FMN2: variants seen among roughly 807,000 people sequenced by gnomAD.
FMN2 encodes the protein formin 2.
Under a neutral mutation model 142.3 loss-of-function variants are expected in FMN2, and 51 were observed. That is an observed-to-expected ratio of 0.36 (90% confidence interval 0.29 to 0.45). FMN2 has a LOEUF of 0.45. FMN2 is among the 20% of genes least tolerant of loss of function. The pLI is 1.00. For missense variants in FMN2, 1,936 were observed against 2,122.8 expected (o/e 0.91, Z 1.73); for synonymous variants, 882 against 869.8 (o/e 1.01, Z -0.25).
At chr1:240,368,556 T>G (rs1172423366) in intron 14 of FMN2, among the ~76,000 whole-genome samples, 1 of 139,986 alleles carries the variant, frequency 7.1e-6, no homozygotes, top group East Asian at 2.2e-4. Flanking sequence ...TGTTAAGCCC[T>G]CTTATTAATT....
At chr1:240,346,141 T>A (rs1017143481) in intron 13 of FMN2, among the ~76,000 whole-genome samples, 1 of 152,112 alleles carries the variant, frequency 6.6e-6, no homozygotes, top group African/African-American at 2.4e-5. Context: ...TCTCCCCTTA[T>A]CTGTGGGGAG....
intron 8 of FMN2, among the ~76,000 whole-genome samples, chr1:240,325,112 T>G (rs1035045961): frequency 6.6e-6 from 1 of 151,898 alleles, no homozygotes; most frequent in Admixed American, 6.6e-5. Flanking sequence ...ATTCATACTG[T>G]ATATCTAGGC....
chr1:240,144,896 C>T, intron 2 of FMN2: 1 of 1,414,096 alleles, frequency 7.1e-7, no homozygotes, highest in Middle Eastern at 1.8e-4. Flanking sequence ...TGCCAGGTGC[C>T]TGATATACTC....
rs1295135402 is a variant in FMN2, at chr1:240,162,676, A to G, written c.1783-15245A>G. Among the ~76,000 whole-genome samples the G allele has an allele frequency of 2.0e-5, 3 of 152,064 alleles. No individual in the cohort carries two copies. In the East Asian group the frequency reaches 5.8e-4, roughly 29 times the overall value. On this transcript the variant is annotated intron_variant, in intron 2 of 17. Transcript: ENST00000319653. The stretch of plus-strand genomic sequence containing the variant: ...TTTCTGACATTAGTTATTTGTATCA[A>G]TACTTGATTATACTTGCCAGAGGTT...
At chr1:240,143,400 A>G (rs1341351422) in intron 2 of FMN2, 24 of 1,428,276 alleles carry the variant, frequency 1.7e-5, no homozygotes, top group Non-Finnish European at 2.3e-5. Context: ...TCTCCCCCAC[A>G]GCAATAAGGG....
At chr1:240,444,734 A>C (rs2883924) in intron 16 of FMN2, among the ~76,000 whole-genome samples, 1 of 151,930 alleles carries the variant, frequency 6.6e-6, no homozygotes, top group African/African-American at 2.4e-5. Context: ...GTGCCTTGTT[A>C]ACATTTCTTT....
chr1:240,369,527 G>C (rs1172871960), intron 14 of FMN2, among the ~76,000 whole-genome samples: 1 of 152,050 alleles, frequency 6.6e-6, no homozygotes, highest in Non-Finnish European at 1.5e-5. Flanking sequence ...GTACACCCTT[G>C]AAAAGTTGCT....
chr1:240,449,240 A>G (rs759685736), intron 16 of FMN2, among the ~76,000 whole-genome samples: 24 of 151,872 alleles, frequency 1.6e-4, no homozygotes, highest in Non-Finnish European at 2.9e-4. Context: ...TGTTTAATGA[A>G]CACTTCACCC....
chr1:240,226,235 C>T (rs1376927583), intron 6 of FMN2, among the ~76,000 whole-genome samples: 4 of 152,142 alleles, frequency 2.6e-5, no homozygotes, highest in African/African-American at 4.8e-5. Flanking sequence ...GATCCACACC[C>T]CCTATATCAT....
chr1:240,423,426 G>A (rs1033912541), intron 15 of FMN2, among the ~76,000 whole-genome samples: 1 of 152,184 alleles, frequency 6.6e-6, no homozygotes, highest in African/African-American at 2.4e-5. Context: ...AGCAATGGAA[G>A]ATTTATGATG....
intron 7 of FMN2, among the ~76,000 whole-genome samples, chr1:240,263,948 T>C (rs965046609): frequency 5.9e-5 from 9 of 152,178 alleles, no homozygotes; most frequent in African/African-American, 1.9e-4. Context: ...TAAACATGAT[T>C]TATGAAAATC....
chr1:240,408,251 C>G (rs1169627459), intron 15 of FMN2, among the ~76,000 whole-genome samples: 2 of 152,158 alleles, frequency 1.3e-5, no homozygotes, highest in East Asian at 3.8e-4. Context: ...GGATATTTGA[C>G]ATAGTTTTCA....
chr1:240,318,588 G>A (rs181140817), intron 8 of FMN2, among the ~76,000 whole-genome samples: 8 of 152,146 alleles, frequency 5.3e-5, no homozygotes, highest in Admixed American at 1.3e-4. Flanking sequence ...GCTTCCCTAT[G>A]TTTGTTTGTA....
chr1:240,272,642 T>G (rs1170940885), intron 7 of FMN2, among the ~76,000 whole-genome samples: 2 of 152,172 alleles, frequency 1.3e-5, no homozygotes, highest in Non-Finnish European at 2.9e-5. Flanking sequence ...CTTTCCCTTA[T>G]GGAGCCGCAT....
chr1:240,228,378 C>T (rs1667418622), intron 6 of FMN2, among the ~76,000 whole-genome samples: 2 of 143,466 alleles, frequency 1.4e-5, no homozygotes, highest in Non-Finnish European at 3.1e-5. Context: ...CAAAAGGTTT[C>T]AGTAGGGATT....
intron 16 of FMN2, among the ~76,000 whole-genome samples, chr1:240,439,324 T>C (rs1431267863): frequency 6.6e-6 from 1 of 151,030 alleles, no homozygotes; most frequent in Non-Finnish European, 1.5e-5. Flanking sequence ...TGAGAAACTT[T>C]GTTCACAAAA....
At chr1:240,153,333 T>C (rs1008880630) in intron 2 of FMN2, among the ~76,000 whole-genome samples, 1 of 152,090 alleles carries the variant, frequency 6.6e-6, no homozygotes, top group Non-Finnish European at 1.5e-5. Flanking sequence ...TATCATCTCA[T>C]TTAATCTCAC....
rs1661019333 is a variant in FMN2, at chr1:240,092,529, G to T, written c.420G>T (p.Glu140Asp). 3.1e-6 allele frequency: 5 copies of T among 1,610,562 alleles called. No individual in the cohort carries two copies. The highest frequency in any genetic ancestry group is 4.2e-6 in the Non-Finnish European group (5 of 1,178,660). The change falls in exon 1 of 18, where the codon GAG becomes GAT. Residue 140 changes from glutamate (E) to aspartate (D), a missense_variant. Physicochemically the swap from Glu to Asp is conservative, Grantham distance 45 (BLOSUM62 2). Around this residue, in one of 8 missense-constraint regions of FMN2, gnomAD observed 751 missense variants for 791.8 expected, o/e 0.95. Coordinates refer to ENST00000319653, the MANE Select transcript of FMN2 (RefSeq NM_020066.5). ...LSDTECADPF[E>D]VTGPGGPGPA... ...ATACCGAGTGTGCGGACCCTTTTGA[G>T]GTGACCGGTCCAGGGGGTCCTGGGC...
intron 6 of FMN2, among the ~76,000 whole-genome samples, chr1:240,247,745 T>C (rs1214540210): frequency 6.6e-6 from 1 of 152,194 alleles, no homozygotes; most frequent in African/African-American, 2.4e-5. Flanking sequence ...AGAGTGATGG[T>C]TCCTACTCTC....
Sources: gnomAD v4.1 joint callset for allele counts (sites outside exome capture counted in the v4.1 genomes callset) on GRCh38, gnomAD v4.1.1 for gene constraint, gnomAD v4.1.1 regional missense constraint, MANE v1.5 for transcripts, NCBI Gene and HGNC (gene_info 2026-07-23, HGNC 2026-07-21) for gene names.